The following DENND5B variants were observed in gnomAD, a reference collection of about 807,000 sequenced individuals.
DENND5B encodes the protein DENN domain containing 5B, also known as DENN domain-containing protein 5B.
Under a neutral mutation model 140.6 loss-of-function variants are expected in DENND5B, and 34 were observed. That is an observed-to-expected ratio of 0.24 (90% CI 0.18 to 0.32). The LOEUF (loss-of-function observed/expected upper bound fraction) is 0.32, where lower values mean the gene tolerates loss of function less well. Among genes scored for constraint, DENND5B ranks in the 10% least tolerant of loss-of-function variants. The pLI, the probability that DENND5B is intolerant of heterozygous loss-of-function variation, is 1.00. For synonymous variants in DENND5B, 551 were observed against 562.1 expected, an observed-to-expected ratio of 0.98 and a Z score of 0.28; for missense variants, 1,142 against 1,560.2, an observed-to-expected ratio of 0.73 and a Z score of 4.52.
Position 31,385,697 on chromosome 12 carries a change from T to C in DENND5B, c.*1906A>G, listed in dbSNP as rs1940821855. 1 of 152,262 alleles carries C rather than the reference T, an allele frequency of 6.6e-6. No individual in the cohort carries two copies. Among genetic ancestry groups the C allele is most frequent in the African/African-American group, 2.4e-5 (1 of 41,458 alleles). 9.4% of individuals were successfully genotyped at this position (152,262 alleles called of 1,614,324 possible). A position where few individuals can be genotyped will look rare whatever the true frequency, so the allele number is the denominator to read the frequency against. On this transcript the variant is annotated 3_prime_UTR_variant, in exon 21 of 21. Coordinates refer to ENST00000389082, the MANE Select transcript of DENND5B (RefSeq NM_144973.4). ...TTCCATGGGTTTTTATTTTTATCTATTTATTTTTTGAGATGGAGTCTTGCT... is the reference window on the plus strand; with the variant it reads ...TTCCATGGGTTTTTATTTTTATCTACTTATTTTTTGAGATGGAGTCTTGCT...
rs1164585782 is a variant in DENND5B, at chr12:31,452,136, C to G, written c.1433G>C (p.Gly478Ala). 3.7e-6 allele frequency: 6 copies of G among 1,613,838 alleles called. No homozygotes were observed. The highest frequency in any genetic ancestry group is 5.1e-6 in the Non-Finnish European group (6 of 1,179,888). The change falls in exon 5 of 21, where the codon GGT becomes GCT. Residue 478 changes from glycine to alanine, a missense_variant. Transcript: ENST00000389082. ...CAGTTTTAAATCCTTGTCTTTTTCA[C>G]CCAGAGAAGCAGAGAGGTCCATTTT... is the stretch of plus-strand genomic sequence containing the variant. The part of the protein sequence containing the change: ...VEKMDLSASL[G>A]EKDKDLKLHC...
At chr12:31,417,729 G>C (rs988718601) in intron 11 of DENND5B, among the ~76,000 whole-genome samples, 1 of 152,108 alleles carries the variant, frequency 6.6e-6, no homozygotes, top group Admixed American at 6.6e-5. Flanking sequence ...TGCAGTGTTT[G>C]GTCTCGTGCT....
At chr12:31,407,244 C>T (rs1278251713) in intron 14 of DENND5B, among the ~76,000 whole-genome samples, 1 of 152,154 alleles carries the variant, frequency 6.6e-6, no homozygotes, top group Non-Finnish European at 1.5e-5. Flanking sequence ...AATTCTCCTA[C>T]CTCAGCCTCC....
chr12:31,460,409 G>A (rs1284651528), intron 3 of DENND5B, 28 bp from the exon 4 acceptor site: 2 of 1,588,954 alleles, frequency 1.3e-6, no homozygotes, highest in Non-Finnish European at 1.7e-6. Context: ...AAAGGAAAGG[G>A]AAGAGTCCAA....
chr12:31,394,945 T>A (rs1242912343), intron 17 of DENND5B, among the ~76,000 whole-genome samples: 3 of 152,106 alleles, frequency 2.0e-5, no homozygotes, highest in Non-Finnish European at 2.9e-5. Flanking sequence ...CTTCCTTAGC[T>A]CCTAACTCCT....
chr12:31,487,456 G>A (rs933455632), intron 2 of DENND5B, among the ~76,000 whole-genome samples: 2 of 152,122 alleles, frequency 1.3e-5, no homozygotes, highest in African/African-American at 2.4e-5. Flanking sequence ...CCAGTACTTC[G>A]GGAGGCTGAG....
At chr12:31,440,342 C>T (rs1016591521) in intron 7 of DENND5B, among the ~76,000 whole-genome samples, 1 of 152,044 alleles carries the variant, frequency 6.6e-6, no homozygotes, top group East Asian at 1.9e-4. Context: ...CACCAGGCCT[C>T]GCATCTTAGC....
intron 2 of DENND5B, among the ~76,000 whole-genome samples, chr12:31,492,715 G>A (rs1031623495): frequency 3.3e-5 from 5 of 152,152 alleles, no homozygotes; most frequent in Non-Finnish European, 5.9e-5. Flanking sequence ...TTAATTTGCT[G>A]CATAAGCAGC....
chr12:31,492,742 T>G (rs1946581901), intron 2 of DENND5B, among the ~76,000 whole-genome samples: 1 of 152,248 alleles, frequency 6.6e-6, no homozygotes, highest in South Asian at 2.1e-4. Flanking sequence ...GTTATTTTTT[T>G]GTCACTGCTG....
At chr12:31,430,142 C>T (rs1943442904) in intron 8 of DENND5B, among the ~76,000 whole-genome samples, 1 of 151,668 alleles carries the variant, frequency 6.6e-6, no homozygotes, top group South Asian at 2.1e-4. Flanking sequence ...CCTGCCTCAG[C>T]CTCCTGAGTA....
chr12:31,455,385 T>C (rs546478558), intron 4 of DENND5B, among the ~76,000 whole-genome samples: 1 of 152,188 alleles, frequency 6.6e-6, no homozygotes, highest in Non-Finnish European at 1.5e-5. Flanking sequence ...TCTGTCTTCA[T>C]GATCCCACAA....
chr12:31,389,636 C>A, intron 19 of DENND5B, 138 bp from the exon 20 acceptor site: 1 of 783,012 alleles, frequency 1.3e-6, no homozygotes, highest in African/African-American at 1.8e-5. Flanking sequence ...ATTACTTTAT[C>A]ATTGATTTTA....
At chr12:31,495,665 C>T (rs1382012324) in intron 2 of DENND5B, 145 bp downstream of exon 2, 11 of 693,616 alleles carry the variant, frequency 1.6e-5, no homozygotes, top group South Asian at 2.4e-5. Flanking sequence ...TGTGAGCCAC[C>T]ACACCCGGCC....
intron 2 of DENND5B, among the ~76,000 whole-genome samples, chr12:31,486,712 T>C (rs1229762096): frequency 1.3e-5 from 2 of 152,248 alleles, no homozygotes; most frequent in South Asian, 4.1e-4. Flanking sequence ...CATGCAGCGA[T>C]AGATAATCAA....
At chr12:31,585,449 C>A (rs1282784120) in intron 1 of DENND5B, among the ~76,000 whole-genome samples, 1 of 152,236 alleles carries the variant, frequency 6.6e-6, no homozygotes, top group Non-Finnish European at 1.5e-5. Context: ...AAACACACTT[C>A]AGCACAGTCT....
chr12:31,425,111 G>A (rs1021389264), intron 9 of DENND5B, among the ~76,000 whole-genome samples: 3 of 152,148 alleles, frequency 2.0e-5, no homozygotes, highest in East Asian at 1.9e-4. Flanking sequence ...TCAGGAGTTC[G>A]AGACCAGCCT....
At chr12:31,518,464 T>C (rs1275796716) in intron 1 of DENND5B, among the ~76,000 whole-genome samples, 3 of 152,174 alleles carry the variant, frequency 2.0e-5, no homozygotes, top group African/African-American at 4.8e-5. Flanking sequence ...CTCTGTACCC[T>C]TGTGCCAGGA....
intron 1 of DENND5B, among the ~76,000 whole-genome samples, chr12:31,544,048 C>T (rs1038293027): frequency 2.0e-5 from 3 of 152,036 alleles, no homozygotes; most frequent in African/African-American, 7.2e-5. Context: ...CCTGTATTCC[C>T]AGCTATTCAG....
At chr12:31,529,383 A>T (rs1256984233) in intron 1 of DENND5B, among the ~76,000 whole-genome samples, 1 of 152,160 alleles carries the variant, frequency 6.6e-6, no homozygotes, top group African/African-American at 2.4e-5. Flanking sequence ...AGATCTTGGA[A>T]GATTTTCTGG....
Sources: gnomAD v4.1 joint callset for allele counts (sites outside exome capture counted in the v4.1 genomes callset) on GRCh38, gnomAD v4.1.1 for gene constraint, MANE v1.5 for transcripts, NCBI Gene and HGNC (gene_info 2026-07-23, HGNC 2026-07-21) for gene names.